The following APBA1 variants were observed in gnomAD, a reference collection of about 807,000 sequenced individuals.
The protein encoded by APBA1 is amyloid beta precursor protein binding family A member 1.
A neutral mutation model predicts 86.6 loss-of-function variants in APBA1; 55 were observed. The ratio of observed to expected loss-of-function variants is 0.64; its 90% confidence interval spans 0.51 to 0.80. The LOEUF (loss-of-function observed/expected upper bound fraction) is 0.80, where lower values mean the gene tolerates loss of function less well. Ranked by LOEUF, APBA1 falls within the 30% of genes least tolerant of loss-of-function variation. The probability of loss-of-function intolerance (pLI) is 0.00; values close to 1 mark genes in which losing one functional copy is unlikely to be tolerated. For synonymous variants in APBA1, 511 were observed against 493.9 expected, an observed-to-expected ratio of 1.03 and a Z score of -0.46; for missense variants, 1,090 against 1,183.0, an observed-to-expected ratio of 0.92 and a Z score of 1.15.
Position 69,466,512 on chromosome 9 carries a change from C to T in APBA1, c.1482+1311G>A, listed in dbSNP as rs371961541. 6.6e-5 allele frequency among the ~76,000 whole-genome samples: 10 copies of T among 152,316 alleles called. No homozygotes were observed. In the South Asian group the frequency reaches 1.2e-3, roughly 19 times the overall value. ...CAGAGGTGTTCGCATCTGCAGGCTT[C>T]CCCTGCACTCTGGTGGCACTCGGCC... On this transcript the variant is annotated intron_variant, in intron 5 of 12. Transcript: ENST00000265381.
At chr9:69,431,657 C>A (rs539311985) in intron 12 of APBA1, among the ~76,000 whole-genome samples, 8 of 152,238 alleles carry the variant, frequency 5.3e-5, no homozygotes, top group Admixed American at 2.0e-4. Flanking sequence ...CAAATGCTCT[C>A]GCTCTCACCA....
At chr9:69,611,411 C>A (rs1346384845) in intron 1 of APBA1, among the ~76,000 whole-genome samples, 2 of 151,928 alleles carry the variant, frequency 1.3e-5, no homozygotes, top group Non-Finnish European at 2.9e-5. Flanking sequence ...ATATTCAAAC[C>A]CACTGGGAGA....
intron 10 of APBA1, among the ~76,000 whole-genome samples, chr9:69,444,697 G>A (rs1442853648): frequency 2.0e-5 from 3 of 152,180 alleles, no homozygotes; most frequent in African/African-American, 7.2e-5. Context: ...GGGGCTAGGA[G>A]GTACGGTGGA....
rs796546589 is a variant in APBA1, at chr9:69,547,185, A to T, written c.-69-29906T>A. Among the ~76,000 whole-genome samples, 4 of 152,332 alleles carry T rather than the reference A, an allele frequency of 2.6e-5. No homozygotes were observed. In the East Asian group the frequency reaches 7.7e-4, roughly 29 times the overall value. On this transcript the variant is annotated intron_variant, in intron 1 of 12. Transcript: ENST00000265381. ...CACGCCCTCAATATTGTTCTCTCAT[A>T]CAAAAGAAATCCAGAGGGGGACAGT...
Position 69,431,243 on chromosome 9 carries a change from T to A in APBA1, c.*84A>T. ...AAATGCTGGGCGCGAGAGGGGAAAG[T>A]CTCAGTGGACACAGGGATGCAGCAC... is the stretch of plus-strand genomic sequence containing the variant. On this transcript the variant is annotated 3_prime_UTR_variant, in exon 13 of 13. Transcript: ENST00000265381. The A allele has an allele frequency of 3.7e-6, 4 of 1,076,744 alleles. No homozygotes were observed. The highest frequency in any genetic ancestry group is 5.3e-6 in the Non-Finnish European group (4 of 760,354). The allele number at this position is 1,076,744 out of a possible 1,614,324, so 66.7% of individuals were successfully genotyped here.
chr9:69,433,402 T>C (rs1834639230), intron 11 of APBA1, among the ~76,000 whole-genome samples: 1 of 152,232 alleles, frequency 6.6e-6, no homozygotes. Flanking sequence ...TGCACCTTTA[T>C]TTAAAAGTGG....
At chr9:69,432,705 C>T (rs1834626078) in intron 11 of APBA1, 29 bp from the exon 12 acceptor site, 2 of 1,514,470 alleles carry the variant, frequency 1.3e-6, no homozygotes, top group Admixed American at 2.0e-5. Context: ...GAGTTACCCT[C>T]ATTGCAGACA....
intron 1 of APBA1, among the ~76,000 whole-genome samples, chr9:69,565,017 G>A (rs1837003183): frequency 6.6e-6 from 1 of 152,216 alleles, no homozygotes; most frequent in South Asian, 2.1e-4. Context: ...AGCACAATAT[G>A]TAAGAAGAGA....
intron 1 of APBA1, among the ~76,000 whole-genome samples, chr9:69,563,249 T>C (rs1257880583): frequency 6.6e-6 from 1 of 152,230 alleles, no homozygotes; most frequent in Non-Finnish European, 1.5e-5. Flanking sequence ...AGAATATCCC[T>C]AACCAACTTG....
Position 69,516,244 on chromosome 9 carries a change from G to A in APBA1, c.967C>T (p.Gln323Ter). The A allele has an allele frequency of 7.1e-7, 1 of 1,410,650 alleles. No individual in the cohort carries two copies. Among genetic ancestry groups the A allele is most frequent in the Non-Finnish European group, 9.2e-7 (1 of 1,085,664 alleles). The allele number at this position is 1,410,650 out of a possible 1,614,324, so 87.4% of individuals were successfully genotyped here. A position where few individuals can be genotyped will look rare whatever the true frequency, so the allele number is the denominator to read the frequency against. The change falls in exon 2 of 13, where the codon CAG (glutamine) becomes TAG (stop). Residue 323 changes from glutamine to a stop codon, truncating the protein, a stop_gained. Transcript: ENST00000265381. LOFTEE classifies it high-confidence loss of function. The surrounding 1 kb of genome is among the most constrained non-coding windows in gnomAD (Gnocchi z 7.3). ...CCGCCCGCGGGGCCCACCGCCCGCTGCTGCCCCGCCGGCGCCTGCAGCCCG... is the reference window on the plus strand; with the variant it reads ...CCGCCCGCGGGGCCCACCGCCCGCTACTGCCCCGCCGGCGCCTGCAGCCCG... Reference protein sequence around the residue: ...SPGLQAPAGQQRAVGPAGGGE... With the variant: ...SPGLQAPAGQ
intron 1 of APBA1, among the ~76,000 whole-genome samples, chr9:69,629,254 T>C (rs1336555654): frequency 6.6e-6 from 1 of 152,196 alleles, no homozygotes; most frequent in Non-Finnish European, 1.5e-5. Flanking sequence ...ATTTAGAATA[T>C]TTAATTCTCA....
At chr9:69,511,684 C>G (rs1266582051) in intron 2 of APBA1, among the ~76,000 whole-genome samples, 1 of 152,036 alleles carries the variant, frequency 6.6e-6, no homozygotes, top group Non-Finnish European at 1.5e-5. Flanking sequence ...AAATGTCCAA[C>G]AATGACAGAC....
At chr9:69,540,044 C>T (rs867769919) in intron 1 of APBA1, among the ~76,000 whole-genome samples, 2 of 151,860 alleles carry the variant, frequency 1.3e-5, no homozygotes, top group Admixed American at 6.6e-5. Context: ...TGCTTGAACT[C>T]GGGAGGCGGA....
At chr9:69,602,444 G>A (rs1010857383) in intron 1 of APBA1, among the ~76,000 whole-genome samples, 8 of 151,932 alleles carry the variant, frequency 5.3e-5, no homozygotes, top group African/African-American at 1.9e-4. Context: ...GGTGGCAGCC[G>A]CCTATAGTCC....
At chr9:69,565,615 A>G (rs1229633563) in intron 1 of APBA1, among the ~76,000 whole-genome samples, 1 of 152,070 alleles carries the variant, frequency 6.6e-6, no homozygotes, top group African/African-American at 2.4e-5. Context: ...AAGAAATCCC[A>G]TTTCCACCAT....
intron 1 of APBA1, among the ~76,000 whole-genome samples, chr9:69,574,627 G>A (rs532636652): frequency 6.6e-6 from 1 of 152,166 alleles, no homozygotes; most frequent in South Asian, 2.1e-4. Context: ...TTGGTGTGCT[G>A]GTTTTGCTCT....
chr9:69,642,316 A>G (rs947872041), intron 1 of APBA1, among the ~76,000 whole-genome samples: 1 of 152,240 alleles, frequency 6.6e-6, no homozygotes, highest in African/African-American at 2.4e-5. Context: ...ATTTAAACAG[A>G]TGCTTTAGTA....
intron 1 of APBA1, among the ~76,000 whole-genome samples, chr9:69,598,364 C>A (rs1321659638): frequency 2.0e-5 from 3 of 151,654 alleles, no homozygotes; most frequent in Non-Finnish European, 4.4e-5. Context: ...AGCGCACCAG[C>A]ATGGCACATG....
intron 9 of APBA1, among the ~76,000 whole-genome samples, chr9:69,450,652 T>C (rs551362222): frequency 1.3e-5 from 2 of 152,218 alleles, no homozygotes; most frequent in South Asian, 4.2e-4. Context: ...CCCCCAAAAT[T>C]TGTATGTTGA....
Sources: gnomAD v4.1 joint callset for allele counts (sites outside exome capture counted in the v4.1 genomes callset) on GRCh38, gnomAD v4.1.1 for gene constraint, Gnocchi (gnomAD v3.1) non-coding constraint, MANE v1.5 for transcripts, NCBI Gene and HGNC (gene_info 2026-07-23, HGNC 2026-07-21) for gene names.